DAB1: variants seen among roughly 807,000 people sequenced by gnomAD.
DAB1 encodes the protein disabled homolog 1.
DAB1 carries 15 observed loss-of-function variants against 64.6 expected under a neutral mutation model. The ratio of observed to expected loss-of-function variants is 0.23; its 90% CI spans 0.16 to 0.36. DAB1 has a LOEUF of 0.36. DAB1 is among the 10% of genes least tolerant of loss of function. The pLI is 1.00. For synonymous variants in DAB1, 235 were observed against 251.9 expected, an observed-to-expected ratio of 0.93 and a Z score of 0.64; for missense variants, 596 against 706.7, an observed-to-expected ratio of 0.84 and a Z score of 1.78.
In DAB1 at chr1:58,229,359, A is replaced by T. The variant is rs192778830; in HGVS notation, n.310-78771T>A. On this transcript the variant is annotated intron_variant and non_coding_transcript_variant, in intron 4 of 20. Coordinates refer to the DAB1 transcript ENST00000485760. Reference sequence around the variant, plus strand: ...AATAGGTACGAGTAAAGGCAAATACACTTAGAAGCACAGAATTTTAGACCT... The same window carrying T: ...AATAGGTACGAGTAAAGGCAAATACTCTTAGAAGCACAGAATTTTAGACCT... Among the ~76,000 whole-genome samples, 66 of 152,296 alleles carry T rather than the reference A, an allele frequency of 4.3e-4. 1 individual carries two copies. The highest frequency in any genetic ancestry group is 9.8e-4 in the Admixed American group (15 of 15,302).
chr1:58,183,160 C>T (rs749029509), intron 4 of DAB1, among the ~76,000 whole-genome samples: 53 of 152,136 alleles, frequency 3.5e-4, no homozygotes, highest in South Asian at 2.1e-4. Flanking sequence ...AGAGGCAGTA[C>T]TTAAACATCT....
At chr1:57,674,409 A>G (rs1646542638) in intron 6 of DAB1, among the ~76,000 whole-genome samples, 1 of 152,176 alleles carries the variant, frequency 6.6e-6, no homozygotes, top group Non-Finnish European at 1.5e-5. Context: ...TTTCCCCACC[A>G]TGAGCTTCTT....
chr1:58,381,226 G>A (rs1428083850), intron 3 of DAB1, among the ~76,000 whole-genome samples: 1 of 152,108 alleles, frequency 6.6e-6, no homozygotes, highest in Non-Finnish European at 1.5e-5. Context: ...GGAATGATCT[G>A]TGCAGCAAAC....
chr1:57,852,063 C>G (rs995173937), intron 1 of DAB1, among the ~76,000 whole-genome samples: 2 of 152,228 alleles, frequency 1.3e-5, no homozygotes, highest in African/African-American at 4.8e-5. Flanking sequence ...CTGACCTTCC[C>G]TGGCCCTCCT....
At chr1:57,348,209 G>A (rs934391473) in intron 1 of DAB1, among the ~76,000 whole-genome samples, 1 of 152,120 alleles carries the variant, frequency 6.6e-6, no homozygotes, top group Non-Finnish European at 1.5e-5. Context: ...GGAATCCACA[G>A]AGGAGCAAAC....
At chr1:57,822,983 A>AT (rs71246208), downstream of DAB1, among the ~76,000 whole-genome samples, 43,736 of 131,064 alleles carry the variant, frequency 0.33, 7,507 homozygotes, top group Non-Finnish European at 0.36. Context: ...TAATTTAGGA[A>AT]TTTTTTTTTT....
At chr1:57,738,723 C>G (rs1313751825) in intron 6 of DAB1, among the ~76,000 whole-genome samples, 1 of 152,190 alleles carries the variant, frequency 6.6e-6, no homozygotes, top group African/African-American at 2.4e-5. Context: ...TACTGCCAGA[C>G]AGCTCGTTGA....
intron 9 of DAB1, among the ~76,000 whole-genome samples, chr1:57,037,704 G>T (rs1430618547): frequency 2.0e-5 from 3 of 152,206 alleles, no homozygotes; most frequent in South Asian, 2.1e-4. Context: ...TTATCTAGGA[G>T]TTTATGCTAT....
chr1:57,754,269 G>C (rs747056087), intron 6 of DAB1, among the ~76,000 whole-genome samples: 3 of 152,124 alleles, frequency 2.0e-5, no homozygotes, highest in Non-Finnish European at 4.4e-5. Flanking sequence ...ATTTGAGTTT[G>C]CAACTCCCAC....
chr1:58,220,913 T>C (rs1659131746), intron 4 of DAB1, among the ~76,000 whole-genome samples: 1 of 151,346 alleles, frequency 6.6e-6, no homozygotes, highest in African/African-American at 2.4e-5. Flanking sequence ...TCAATGTGAA[T>C]ACATTTTGCA....
intron 5 of DAB1, among the ~76,000 whole-genome samples, chr1:57,905,311 A>C (rs562243074): frequency 6.6e-6 from 1 of 152,020 alleles, no homozygotes; most frequent in South Asian, 2.1e-4. Flanking sequence ...GCGTTGGTGC[A>C]AGGAAAGGGT....
chr1:57,474,159 T>C (rs903285155), intron 7 of DAB1, among the ~76,000 whole-genome samples: 1 of 152,250 alleles, frequency 6.6e-6, no homozygotes, highest in Admixed American at 6.5e-5. Context: ...ATATATGATC[T>C]GAAGAATTCA....
intron 3 of DAB1, chr1:58,474,001 TG>T: frequency 3.3e-6 from 4 of 1,206,314 alleles, no homozygotes; most frequent in Non-Finnish European, 4.4e-6. Context: ...ACTTTATGCC[TG>T]GACTTTGATT....
intron 2 of DAB1, among the ~76,000 whole-genome samples, chr1:57,231,858 C>T (rs1176632142): frequency 1.3e-5 from 2 of 152,176 alleles, no homozygotes; most frequent in Non-Finnish European, 2.9e-5. Context: ...AAGCATGGGA[C>T]TCTAGAAGTG....
At chr1:58,523,185 T>C (rs1646294074) in intron 2 of DAB1, among the ~76,000 whole-genome samples, 1 of 152,198 alleles carries the variant, frequency 6.6e-6, no homozygotes, top group Non-Finnish European at 1.5e-5. Context: ...GCTCTTGAAT[T>C]TCTCTAAGAT....
chr1:57,753,535 G>A (rs1648651175), intron 6 of DAB1, among the ~76,000 whole-genome samples: 1 of 152,128 alleles, frequency 6.6e-6, no homozygotes, highest in African/African-American at 2.4e-5. Context: ...ATGTAAAATG[G>A]GAATAGCAGG....
chr1:57,061,220 TA>T (rs1650349514), intron 9 of DAB1, among the ~76,000 whole-genome samples: 1 of 69,694 alleles, frequency 1.4e-5, no homozygotes, highest in South Asian at 6.6e-4. Context: ...TCAGAAGCCA[TA>T]TTTAGATGGG....
chr1:57,758,426 T>G (rs975651094), intron 6 of DAB1, among the ~76,000 whole-genome samples: 3 of 152,200 alleles, frequency 2.0e-5, no homozygotes, highest in African/African-American at 7.2e-5. Context: ...AAGATAGACT[T>G]AAAAAAATCT....
At chr1:57,188,851 T>A (rs1663854343) in intron 2 of DAB1, among the ~76,000 whole-genome samples, 1 of 152,240 alleles carries the variant, frequency 6.6e-6, no homozygotes, top group African/African-American at 2.4e-5. Context: ...CTTTACTGTG[T>A]ACCAGGCACG....
Sources: allele counts gnomAD v4.1 joint callset (sites outside exome capture counted in the v4.1 genomes callset), GRCh38; gene constraint gnomAD v4.1.1; transcripts MANE v1.5; gene names NCBI Gene and HGNC (gene_info 2026-07-23, HGNC 2026-07-21).